Variants in KLHL32 observed in about 807,000 individuals in gnomAD.
KLHL32 encodes kelch-like protein 32.
In KLHL32, 35 loss-of-function variants were observed where a neutral mutation model predicts 64.8. The observed-to-expected ratio is 0.54, with a 90% CI of 0.41 to 0.72. KLHL32 has a LOEUF of 0.72. Ranked by LOEUF, KLHL32 falls within the 30% of genes least tolerant of loss-of-function variation. The probability of loss-of-function intolerance (pLI) is 0.00; values close to 1 mark genes in which losing one functional copy is unlikely to be tolerated. For missense variants in KLHL32, 589 were observed against 768.5 expected (o/e 0.77, Z 2.76); for synonymous variants, 259 against 281.0 (o/e 0.92, Z 0.78).
At chr6:97,088,527 G>A (rs1216980164) in intron 6 of KLHL32, among the ~76,000 whole-genome samples, 1 of 152,166 alleles carries the variant, frequency 6.6e-6, no homozygotes, top group Non-Finnish European at 1.5e-5. Context: ...TACCATAGGA[G>A]CTGGGGAGTG....
chr6:96,988,219 A>G (rs997511387), intron 3 of KLHL32, among the ~76,000 whole-genome samples: 1 of 152,266 alleles, frequency 6.6e-6, no homozygotes, highest in African/African-American at 2.4e-5. Context: ...TAAAGGGCTA[A>G]TATCCAGAAT....
intron 3 of KLHL32, among the ~76,000 whole-genome samples, chr6:97,041,130 A>G (rs1354058501): frequency 6.6e-6 from 1 of 152,220 alleles, no homozygotes; most frequent in South Asian, 2.1e-4. Flanking sequence ...AAGGCTTTTC[A>G]TGTCCTATTG....
chr6:96,934,285 G>T (rs1203291685), intron 1 of KLHL32, among the ~76,000 whole-genome samples: 1 of 152,184 alleles, frequency 6.6e-6, no homozygotes, highest in Non-Finnish European at 1.5e-5. Flanking sequence ...TGAGTCATTT[G>T]TGTATTAAGA....
At chr6:96,976,690 C>T (rs1343130957) in intron 3 of KLHL32, among the ~76,000 whole-genome samples, 1 of 152,128 alleles carries the variant, frequency 6.6e-6, no homozygotes, top group East Asian at 1.9e-4. Context: ...CCTCTGCTTC[C>T]TGGGTTCAAG....
intron 10 of KLHL32, among the ~76,000 whole-genome samples, chr6:97,138,555 C>CA (rs969465644): frequency 4.6e-5 from 7 of 151,558 alleles, no homozygotes; most frequent in East Asian, 1.9e-4. Flanking sequence ...ACAAAAACAA[C>CA]AAAAAAACCC....
chr6:97,138,408 G>A (rs1480014106), intron 10 of KLHL32, among the ~76,000 whole-genome samples: 2 of 152,076 alleles, frequency 1.3e-5, no homozygotes, highest in African/African-American at 4.8e-5. Context: ...GCGTGGTGGT[G>A]TGCACCTGTG....
At chr6:97,052,126 G>T (rs779011260) in intron 4 of KLHL32, among the ~76,000 whole-genome samples, 4 of 152,206 alleles carry the variant, frequency 2.6e-5, no homozygotes, top group Admixed American at 6.5e-5. Flanking sequence ...ACAAACGAAA[G>T]AAGTTTGTGT....
chr6:96,940,767 T>C (rs7766184), intron 1 of KLHL32, among the ~76,000 whole-genome samples: 48,763 of 152,130 alleles, frequency 0.32, 8,152 homozygotes, highest in African/African-American at 0.4. Context: ...TGCTGTATAG[T>C]CATTCATTTA....
chr6:96,974,156 C>A (rs999287527), intron 2 of KLHL32, among the ~76,000 whole-genome samples: 1 of 152,108 alleles, frequency 6.6e-6, no homozygotes, highest in South Asian at 2.1e-4. Context: ...GTACCTGCCT[C>A]ATGGTGTTGT....
At chr6:96,912,042 C>A in the KLHL32 span, among the ~76,000 whole-genome samples, 1 of 151,886 alleles carries the variant, frequency 6.6e-6, no homozygotes, top group Non-Finnish European at 1.5e-5. Context: ...GATGTCTTCC[C>A]AGAAGTCCTA....
At chr6:96,959,149 A>G (rs1773608763) in intron 1 of KLHL32, among the ~76,000 whole-genome samples, 1 of 152,228 alleles carries the variant, frequency 6.6e-6, no homozygotes, top group African/African-American at 2.4e-5. Context: ...AGATGCTCCA[A>G]GAGGACAGTA....
the KLHL32 span, among the ~76,000 whole-genome samples, chr6:96,903,391 C>A: frequency 2.0e-5 from 3 of 151,910 alleles, no homozygotes; most frequent in African/African-American, 7.3e-5. Context: ...GGAATAGATA[C>A]AGAATAGAAT....
intron 3 of KLHL32, among the ~76,000 whole-genome samples, chr6:97,027,173 A>AAG (rs1782843830): frequency 6.6e-6 from 1 of 151,848 alleles, no homozygotes; most frequent in Non-Finnish European, 1.5e-5. Context: ...AAAAAAAAAA[A>AAG]AAAAGAAAAA....
intron 1 of KLHL32, among the ~76,000 whole-genome samples, chr6:96,928,926 G>A (rs1769503241): frequency 1.3e-5 from 2 of 152,258 alleles, no homozygotes; most frequent in South Asian, 4.1e-4. Context: ...GAAAAATGTG[G>A]GCTGTAAACC....
chr6:96,971,564 T>C (rs6932019), intron 2 of KLHL32, among the ~76,000 whole-genome samples: 3,440 of 152,260 alleles, frequency 0.023, 86 homozygotes, highest in African/African-American at 0.064. Flanking sequence ...GACATATGGC[T>C]GATCAAATGG....
chr6:97,092,278 C>G lies in KLHL32; in HGVS notation c.627+6937C>G, dbSNP rs6936242. Among the ~76,000 whole-genome samples, 335 of 152,258 alleles carry G rather than the reference C, an allele frequency of 2.2e-3. 1 individual carries two copies. The highest frequency in any genetic ancestry group is 7.6e-3 in the African/African-American group (314 of 41,546). Reference sequence around the variant, plus strand: ...TGCTGGGATTACAGGCGTGAGCCACCGTGCCCGGCCAATTCTCTTTCATAC... The same window carrying G: ...TGCTGGGATTACAGGCGTGAGCCACGGTGCCCGGCCAATTCTCTTTCATAC... On this transcript the variant is annotated intron_variant, in intron 6 of 10. Transcript: ENST00000369261.
At chr6:96,985,873 C>T (rs952743806) in intron 3 of KLHL32, among the ~76,000 whole-genome samples, 12 of 152,260 alleles carry the variant, frequency 7.9e-5, no homozygotes, top group Non-Finnish European at 1.5e-4. Context: ...TGTCTCAACT[C>T]GTCAAAGTCA....
chr6:96,920,562 A>G, upstream of KLHL32, among the ~76,000 whole-genome samples: 1 of 152,152 alleles, frequency 6.6e-6, no homozygotes, highest in East Asian at 1.9e-4. Flanking sequence ...ATGGAAAAAC[A>G]CACACAATTA....
At chr6:97,102,787 G>A (rs528108186) in intron 6 of KLHL32, among the ~76,000 whole-genome samples, 17 of 151,788 alleles carry the variant, frequency 1.1e-4, no homozygotes, top group Admixed American at 3.3e-4. Context: ...GGACATTTTC[G>A]CCATTTAAAA....
Sources: allele counts gnomAD v4.1 joint callset (sites outside exome capture counted in the v4.1 genomes callset), GRCh38; gene constraint gnomAD v4.1.1; transcripts MANE v1.5; gene names NCBI Gene and HGNC (gene_info 2026-07-23, HGNC 2026-07-21).